The following CFAP299 variants were observed in gnomAD, a reference collection of about 807,000 sequenced individuals.
CFAP299 encodes cilia and flagella associated protein 299.
A neutral mutation model predicts 27.0 loss-of-function variants in CFAP299; 21 were observed. The observed-to-expected ratio is 0.78, with a 90% confidence interval of 0.55 to 1.12. The LOEUF (loss-of-function observed/expected upper bound fraction) is 1.12. Among genes scored for constraint, CFAP299 ranks in the 50% most tolerant of loss-of-function variants. The probability of loss-of-function intolerance (pLI) is 0.00; values close to 1 mark genes in which losing one functional copy is unlikely to be tolerated. For synonymous variants in CFAP299, 104 were observed against 98.1 expected, an observed-to-expected ratio of 1.06 and a Z score of -0.36; for missense variants, 310 against 276.6, an observed-to-expected ratio of 1.12 and a Z score of -0.86.
intron 3 of CFAP299, among the ~76,000 whole-genome samples, chr4:80,765,205 A>G (rs1389138291): frequency 6.6e-6 from 1 of 152,172 alleles, no homozygotes; most frequent in Non-Finnish European, 1.5e-5. Context: ...TAAAAAGACT[A>G]TCTGAAAAAT....
At chr4:80,357,391 G>C (rs573481625) in intron 1 of CFAP299, among the ~76,000 whole-genome samples, 6 of 152,212 alleles carry the variant, frequency 3.9e-5, no homozygotes, top group African/African-American at 1.4e-4. Context: ...TCAATTTTTT[G>C]GAATAGTTTC....
chr4:80,616,291 A>G (rs549408145), intron 3 of CFAP299, among the ~76,000 whole-genome samples: 1 of 152,196 alleles, frequency 6.6e-6, no homozygotes, highest in East Asian at 1.9e-4. Flanking sequence ...AGCTGAACTT[A>G]TTGGCTGTGT....
intron 2 of CFAP299, among the ~76,000 whole-genome samples, chr4:80,450,712 A>T (rs6855968): frequency 0.089 from 13,589 of 151,976 alleles, 1,490 homozygotes; most frequent in African/African-American, 0.26. Context: ...TGTCCATAGA[A>T]CTATATTTCA....
intron 3 of CFAP299, among the ~76,000 whole-genome samples, chr4:80,656,250 A>C (rs954982323): frequency 6.6e-6 from 1 of 152,160 alleles, no homozygotes; most frequent in Non-Finnish European, 1.5e-5. Context: ...TTATACTTTA[A>C]GTTCTGGGAT....
intron 2 of CFAP299, among the ~76,000 whole-genome samples, chr4:80,415,937 C>T (rs1726980259): frequency 6.6e-6 from 1 of 152,148 alleles, no homozygotes. Context: ...TTTCACAAAG[C>T]TACAGAGCTA....
At chr4:80,534,924 A>T (rs998055107) in intron 2 of CFAP299, among the ~76,000 whole-genome samples, 17 of 152,214 alleles carry the variant, frequency 1.1e-4, no homozygotes, top group Non-Finnish European at 2.2e-4. Context: ...GAATACTTGA[A>T]GATGAATTTA....
intron 2 of CFAP299, among the ~76,000 whole-genome samples, chr4:80,507,228 C>A (rs1431898048): frequency 1.3e-5 from 2 of 152,096 alleles, no homozygotes; most frequent in Non-Finnish European, 2.9e-5. Context: ...AATCTCAATT[C>A]ATCATATTGC....
chr4:80,733,227 C>T (rs1723641628), intron 3 of CFAP299, among the ~76,000 whole-genome samples: 1 of 151,896 alleles, frequency 6.6e-6, no homozygotes, highest in Admixed American at 6.6e-5. Context: ...TAATGTATGC[C>T]AATTTTAATG....
At chr4:80,386,521 G>T in intron 2 of CFAP299, 13 of 1,567,988 alleles carry the variant, frequency 8.3e-6, no homozygotes, top group Non-Finnish European at 1.1e-5. Flanking sequence ...GTGGGGGGGG[G>T]GGGTGCCGCC....
intron 2 of CFAP299, among the ~76,000 whole-genome samples, chr4:80,570,048 A>G (rs1735507807): frequency 6.6e-6 from 1 of 152,050 alleles, no homozygotes; most frequent in Non-Finnish European, 1.5e-5. Context: ...ATAAATGCTC[A>G]GTCATTGACA....
rs1367331140 is a variant in CFAP299 at position 80,591,146 on chromosome 4, C to T, written c.333+7963C>T. ...TTTTTTTTTTTATTTTTTTTTGAGA[C>T]GGAGTCTCGCTCTGTCGCCCAGGCT... is the stretch of plus-strand genomic sequence containing the variant. On this transcript the variant is annotated intron_variant, in intron 3 of 5. Transcript: ENST00000358105. Among the ~76,000 whole-genome samples the T allele has an allele frequency of 3.3e-3, 356 of 106,878 alleles. 3 individuals are homozygous for T. Among genetic ancestry groups the T allele is most frequent in the African/African-American group, 0.011 (335 of 31,170 alleles). 70.1% of individuals were successfully genotyped at this position (106,878 alleles called of 152,430 possible).
At chr4:80,858,418 C>T (rs1195259644) in intron 3 of CFAP299, among the ~76,000 whole-genome samples, 1 of 151,996 alleles carries the variant, frequency 6.6e-6, no homozygotes, top group East Asian at 1.9e-4. Context: ...TTCAGTTCTG[C>T]TCTGATTTTA....
intron 2 of CFAP299, among the ~76,000 whole-genome samples, chr4:80,370,543 G>A (rs142062237): frequency 1.4e-3 from 209 of 152,332 alleles, no homozygotes; most frequent in African/African-American, 4.6e-3. Flanking sequence ...GGATACAATG[G>A]GGGATAGGCA....
intron 2 of CFAP299, among the ~76,000 whole-genome samples, chr4:80,390,769 GT>G (rs1725378154): frequency 7.3e-6 from 1 of 137,294 alleles, no homozygotes; most frequent in African/African-American, 2.7e-5. Context: ...ATGTATATAT[GT>G]ATATATACAT....
At chr4:80,768,726 C>T (rs1022891988) in intron 3 of CFAP299, among the ~76,000 whole-genome samples, 1 of 152,000 alleles carries the variant, frequency 6.6e-6, no homozygotes, top group African/African-American at 2.4e-5. Flanking sequence ...TATTTCAATT[C>T]AATATATATT....
chr4:80,892,892 A>G (rs1410889628), intron 4 of CFAP299, among the ~76,000 whole-genome samples: 1 of 152,078 alleles, frequency 6.6e-6, no homozygotes, highest in Non-Finnish European at 1.5e-5. Flanking sequence ...TTTGGACAAG[A>G]TGAAGAAATT....
At chr4:80,748,058 C>T (rs970420377) in intron 3 of CFAP299, among the ~76,000 whole-genome samples, 1 of 152,056 alleles carries the variant, frequency 6.6e-6, no homozygotes, top group Non-Finnish European at 1.5e-5. Flanking sequence ...GAACAACTCT[C>T]CAATGTTGTC....
chr4:80,800,346 TAA>T (rs1347791449), intron 3 of CFAP299, among the ~76,000 whole-genome samples: 4 of 72,600 alleles, frequency 5.5e-5, no homozygotes, highest in Non-Finnish European at 9.1e-5. Context: ...ATATAATATA[TAA>T]TATATATGAT....
At chr4:80,863,024 T>G (rs1366948439) in intron 3 of CFAP299, among the ~76,000 whole-genome samples, 6 of 152,086 alleles carry the variant, frequency 3.9e-5, no homozygotes, top group Non-Finnish European at 8.8e-5. Context: ...AATGATTCAT[T>G]AGCGCATTCA....
Sources: gnomAD v4.1 joint callset for allele counts (sites outside exome capture counted in the v4.1 genomes callset) on GRCh38, gnomAD v4.1.1 for gene constraint, MANE v1.5 for transcripts, NCBI Gene and HGNC (gene_info 2026-07-23, HGNC 2026-07-21) for gene names.